The following BICD1 variants were observed in gnomAD, a reference collection of about 807,000 sequenced individuals.
The protein encoded by BICD1 is protein bicaudal D homolog 1.
Under a neutral mutation model 92.5 loss-of-function variants are expected in BICD1, and 35 were observed. That is an observed-to-expected ratio of 0.38 (90% CI 0.29 to 0.50). BICD1 has a LOEUF of 0.50. Among genes scored for constraint, BICD1 ranks in the 20% least tolerant of loss-of-function variants. The pLI, the probability that BICD1 is intolerant of heterozygous loss-of-function variation, is 0.93. For missense variants in BICD1, 950 were observed against 1,189.8 expected, an observed-to-expected ratio of 0.80 and a Z score of 2.97; for synonymous variants, 429 against 465.1, an observed-to-expected ratio of 0.92 and a Z score of 1.00.
rs1028202512 is a variant in BICD1, at chr12:32,237,688, G to A, written c.426+21229G>A. Among the ~76,000 whole-genome samples the A allele has an allele frequency of 1.9e-4, 29 of 152,184 alleles. 1 individual carries two copies. The highest frequency in any genetic ancestry group is 7.3e-5 in the Non-Finnish European group (5 of 68,040). ...ATGAAACAACAAAGTCTGAATGACA[G>A]CACGTCTGTTTATAGAGTGGTTTAT... is the stretch of plus-strand genomic sequence containing the variant. On this transcript the variant is annotated intron_variant, in intron 2 of 9. Coordinates refer to ENST00000652176, the MANE Select transcript of BICD1 (RefSeq NM_001714.4).
At chr12:32,117,756 ATATTT>A (rs1200091060) in intron 1 of BICD1, among the ~76,000 whole-genome samples, 21 of 108,338 alleles carry the variant, frequency 1.9e-4, no homozygotes, top group Admixed American at 5.8e-4. Flanking sequence ...ATATATATAT[ATATTT>A]TTTTTTAAGA....
chr12:32,248,976 A>AT (rs931918598), intron 2 of BICD1, among the ~76,000 whole-genome samples: 8 of 152,248 alleles, frequency 5.3e-5, no homozygotes, highest in African/African-American at 1.9e-4. Context: ...AAGGAATGGA[A>AT]TTTTCCACTG....
At chr12:32,344,654 G>A (rs1938503079) in intron 8 of BICD1, among the ~76,000 whole-genome samples, 3 of 152,198 alleles carry the variant, frequency 2.0e-5, no homozygotes, top group Admixed American at 6.5e-5. Flanking sequence ...AGCATGTCCT[G>A]TGCACACACG....
intron 1 of BICD1, among the ~76,000 whole-genome samples, chr12:32,188,767 G>T (rs1159561557): frequency 6.7e-6 from 1 of 148,756 alleles, no homozygotes; most frequent in East Asian, 2.0e-4. Flanking sequence ...TCACTCTATT[G>T]CCCAGGATGG....
chr12:32,193,986 A>G (rs1209326251), intron 1 of BICD1, among the ~76,000 whole-genome samples: 2 of 152,204 alleles, frequency 1.3e-5, no homozygotes, highest in East Asian at 3.9e-4. Flanking sequence ...ACAGCACACT[A>G]AAAACATCAT....
rs996346858 is a variant in BICD1, at chr12:32,383,212, G to A, written c.*5585G>A. 1.3e-5 allele frequency: 2 copies of A among 152,070 alleles called. No individual in the cohort carries two copies. The highest frequency in any genetic ancestry group is 2.4e-5 in the African/African-American group (1 of 41,506). The allele number at this position is 152,070 out of a possible 1,614,324, so 9.4% of individuals were successfully genotyped here. On this transcript the variant is annotated 3_prime_UTR_variant, in exon 10 of 10. Transcript: ENST00000652176. ...TTGCAGTTTAATTATTATGCCTTTT[G>A]GGGTTAAATGATGTGAAGTGTTTCC...
intron 1 of BICD1, among the ~76,000 whole-genome samples, chr12:32,201,148 A>G (rs1257961015): frequency 6.6e-6 from 1 of 152,164 alleles, no homozygotes; most frequent in African/African-American, 2.4e-5. Flanking sequence ...TTTTTCCTGA[A>G]AGAAAATCTC....
intron 9 of BICD1, among the ~76,000 whole-genome samples, chr12:32,369,521 T>A (rs978594105): frequency 5.9e-5 from 9 of 152,286 alleles, no homozygotes; most frequent in Non-Finnish European, 1.3e-4. Context: ...CAGTGGCAGC[T>A]GAAGCCCAAG....
intron 1 of BICD1, among the ~76,000 whole-genome samples, chr12:32,131,879 A>T (rs1360009077): frequency 6.6e-6 from 1 of 152,222 alleles, no homozygotes; most frequent in Non-Finnish European, 1.5e-5. Flanking sequence ...TTAAGCAAGT[A>T]AATGCATAAT....
chr12:32,304,707 A>G (rs2136216319), intron 3 of BICD1, among the ~76,000 whole-genome samples: 1 of 152,286 alleles, frequency 6.6e-6, no homozygotes, highest in South Asian at 2.1e-4. Flanking sequence ...ATTGCATTTC[A>G]AAAGAATATT....
intron 8 of BICD1, chr12:32,340,130 C>G (rs1262198607): frequency 1.0e-6 from 1 of 985,052 alleles, no homozygotes; most frequent in Admixed American, 6.2e-5. Context: ...TTTTGCAAAC[C>G]TCAGCCTTTG....
At chr12:32,270,323 T>C (rs1947106444) in intron 2 of BICD1, among the ~76,000 whole-genome samples, 2 of 152,096 alleles carry the variant, frequency 1.3e-5, no homozygotes, top group African/African-American at 4.8e-5. Flanking sequence ...AGTCTTGGCT[T>C]ACTGGAAAAT....
intron 1 of BICD1, among the ~76,000 whole-genome samples, chr12:32,200,752 A>G (rs1565583007): frequency 6.6e-6 from 1 of 152,224 alleles, no homozygotes; most frequent in Non-Finnish European, 1.5e-5. Flanking sequence ...TAATGTTATT[A>G]TAAATAATGA....
chr12:32,252,104 A>C, intron 2 of BICD1, among the ~76,000 whole-genome samples: 1 of 93,478 alleles, frequency 1.1e-5, no homozygotes. Flanking sequence ...ATTTATAATA[A>C]ATATTATATA....
At chr12:32,171,297 G>A (rs1030236980) in intron 1 of BICD1, among the ~76,000 whole-genome samples, 1 of 152,236 alleles carries the variant, frequency 6.6e-6, no homozygotes, top group Non-Finnish European at 1.5e-5. Flanking sequence ...GGCGTGGCAG[G>A]ACTGCCAGCC....
intron 2 of BICD1, among the ~76,000 whole-genome samples, chr12:32,258,836 C>T (rs1487409110): frequency 2.0e-5 from 3 of 152,144 alleles, no homozygotes; most frequent in Admixed American, 1.3e-4. Flanking sequence ...ACCAGGAGTA[C>T]GGGAGGAACA....
At chr12:32,170,522 T>A (rs940509659) in intron 1 of BICD1, among the ~76,000 whole-genome samples, 1 of 152,244 alleles carries the variant, frequency 6.6e-6, no homozygotes, top group Non-Finnish European at 1.5e-5. Flanking sequence ...CTTTAAAGGT[T>A]ATAGAATTGT....
intron 4 of BICD1, among the ~76,000 whole-genome samples, chr12:32,314,741 G>A (rs1387483456): frequency 6.7e-6 from 1 of 149,806 alleles, no homozygotes; most frequent in Non-Finnish European, 1.5e-5. Context: ...TCTTGATGGT[G>A]TCCTTTGATG....
intron 5 of BICD1, chr12:32,333,002 C>A: frequency 1.0e-6 from 1 of 985,388 alleles, no homozygotes. Flanking sequence ...AACAAATCTA[C>A]AAACAAAACT....
Sources: allele counts gnomAD v4.1 joint callset (sites outside exome capture counted in the v4.1 genomes callset), GRCh38; gene constraint gnomAD v4.1.1; transcripts MANE v1.5; gene names NCBI Gene and HGNC (gene_info 2026-07-23, HGNC 2026-07-21).